The following DERL1 variants were observed in gnomAD, a reference collection of about 807,000 sequenced individuals.
DERL1 encodes derlin 1.
DERL1 carries 24 observed loss-of-function variants against 41.6 expected under a neutral mutation model. That is an observed-to-expected ratio of 0.58 (90% confidence interval 0.42 to 0.81). The LOEUF is 0.81. DERL1 is among the 30% of genes least tolerant of loss of function. DERL1 has a pLI of 0.00. For synonymous variants in DERL1, 124 were observed against 112.5 expected (o/e 1.10, Z -0.65); for missense variants, 260 against 314.3 (o/e 0.83, Z 1.31).
chr8:123,028,708 A>G (rs1350361034), intron 2 of DERL1, among the ~76,000 whole-genome samples: 3 of 152,198 alleles, frequency 2.0e-5, no homozygotes, highest in African/African-American at 4.8e-5. Context: ...ATTTTAAATA[A>G]CTGATCATAA....
Position 123,036,468 on chromosome 8 carries a change from C to T in DERL1, c.153+5502G>A, listed in dbSNP as rs191526765. ...AGTCACCCTTAGAGAGGACAGTGAC[C>T]AGAAGGAAGCAGGAGAAAGCTTTTA... On this transcript the variant is annotated intron_variant, in intron 1 of 7. Transcript: ENST00000259512. Among the ~76,000 whole-genome samples the T allele has an allele frequency of 3.9e-5, 6 of 152,220 alleles. 1 individual carries two copies. Among genetic ancestry groups the T allele is most frequent in the Admixed American group, 3.3e-4 (5 of 15,292 alleles).
At chr8:123,025,283 A>G (rs187074938) in intron 2 of DERL1, among the ~76,000 whole-genome samples, 266 of 152,332 alleles carry the variant, frequency 1.7e-3, no homozygotes, top group Admixed American at 4.7e-3. Context: ...GAATTCCAGT[A>G]AGTGACATGC....
In DERL1 at chr8:123,030,734, A is replaced by G. The variant is rs768374797; in HGVS notation, c.154-18T>C. On this transcript the variant is annotated intron_variant, in intron 1 of 7. Transcript: ENST00000259512. ...CTCCAAATCTGTCCAGATCAAAATA[A>G]ACACAGCTGTTAGTTTCTGTAAGCC... is the stretch of plus-strand genomic sequence containing the variant. The G allele has an allele frequency of 6.5e-7, 1 of 1,532,460 alleles. No homozygotes were observed. Among genetic ancestry groups the G allele is most frequent in the Non-Finnish European group, 9.0e-7 (1 of 1,110,326 alleles). 94.9% of individuals were successfully genotyped at this position (1,532,460 alleles called of 1,614,324 possible). A position where few individuals can be genotyped will look rare whatever the true frequency, so the allele number is the denominator to read the frequency against.
chr8:123,037,346 G>A (rs1812949597), intron 1 of DERL1, among the ~76,000 whole-genome samples: 1 of 152,122 alleles, frequency 6.6e-6, no homozygotes, highest in South Asian at 2.1e-4. Context: ...CAATACACTC[G>A]TTGAATGTAA....
intron 2 of DERL1, 62 bp from the exon 3 acceptor site, chr8:123,025,112 TAGAG>T: frequency 6.5e-7 from 1 of 1,534,786 alleles, no homozygotes; most frequent in Non-Finnish European, 8.9e-7. Context: ...AACATCTACA[TAGAG>T]AAACACTTCA....
In DERL1 at chr8:123,041,962, G is replaced by C. The variant is rs369309591; in HGVS notation, c.153+8C>G. ...GTAGTCTCCACGCCCCCCGTCTCCG[G>C]TAAGTACCTGAAAGCGATAAAGGAA... On this transcript the variant is annotated splice_region_variant and intron_variant, in intron 1 of 7. Coordinates refer to ENST00000259512, the MANE Select transcript of DERL1 (RefSeq NM_024295.6). The C allele has an allele frequency of 7.5e-5, 121 of 1,603,078 alleles. No individual in the cohort carries two copies. The highest frequency in any genetic ancestry group is 9.6e-5 in the Non-Finnish European group (113 of 1,172,842).
intron 1 of DERL1, among the ~76,000 whole-genome samples, chr8:123,038,194 T>G (rs1469752113): frequency 1.3e-5 from 2 of 152,292 alleles, no homozygotes; most frequent in South Asian, 4.1e-4. Context: ...CAATTCTAAA[T>G]CAATCACTCC....
intron 4 of DERL1, among the ~76,000 whole-genome samples, chr8:123,023,236 G>T (rs2385079): frequency 1.3e-5 from 2 of 152,150 alleles, no homozygotes; most frequent in African/African-American, 2.4e-5. Flanking sequence ...GATCTTCAAA[G>T]ATTTAGCTGA....
chr8:123,024,945 A>G (rs1412435125), intron 3 of DERL1, 41 bp downstream of exon 3: 4 of 1,598,702 alleles, frequency 2.5e-6, no homozygotes, highest in Non-Finnish European at 3.4e-6. Flanking sequence ...CTGGAAAAAA[A>G]CTGGTTTATT....
intron 2 of DERL1, among the ~76,000 whole-genome samples, chr8:123,029,797 C>T (rs1812781908): frequency 6.6e-6 from 1 of 152,170 alleles, no homozygotes; most frequent in African/African-American, 2.4e-5. Context: ...CGTTGACTCA[C>T]ACCTGTAATC....
intron 1 of DERL1, among the ~76,000 whole-genome samples, chr8:123,031,657 T>TTTC (rs1456014383): frequency 6.6e-6 from 1 of 152,196 alleles, no homozygotes; most frequent in African/African-American, 2.4e-5. Context: ...GTGTCTTGTA[T>TTTC]TTCCTCTAAG....
intron 1 of DERL1, among the ~76,000 whole-genome samples, chr8:123,031,920 GAT>G (rs1399541034): frequency 6.6e-6 from 1 of 152,084 alleles, no homozygotes; most frequent in Non-Finnish European, 1.5e-5. Flanking sequence ...TATTTTGGTA[GAT>G]ACTGCCAAAT....
intron 7 of DERL1, 70 bp from the exon 8 acceptor site, chr8:123,015,655 T>A: frequency 6.6e-7 from 1 of 1,504,840 alleles, no homozygotes; most frequent in Non-Finnish European, 8.9e-7. Context: ...TTATCTGACC[T>A]CCGAGAACAC....
intron 6 of DERL1, 38 bp downstream of exon 6, chr8:123,021,409 G>T: frequency 6.4e-7 from 1 of 1,571,562 alleles, no homozygotes; most frequent in Non-Finnish European, 8.8e-7. Flanking sequence ...AATTTTCCAA[G>T]GATTAGTTTC....
At chr8:123,031,881 A>G (rs1812823969) in intron 1 of DERL1, among the ~76,000 whole-genome samples, 1 of 152,152 alleles carries the variant, frequency 6.6e-6, no homozygotes, top group Non-Finnish European at 1.5e-5. Flanking sequence ...CCTGTCAATA[A>G]ATCTGCTAGA....
chr8:123,029,506 A>G (rs1272459168), intron 2 of DERL1, among the ~76,000 whole-genome samples: 1 of 152,224 alleles, frequency 6.6e-6, no homozygotes, highest in Non-Finnish European at 1.5e-5. Context: ...CCATATGAGC[A>G]CTGACTTACA....
chr8:123,035,387 C>G (rs575097001), intron 1 of DERL1, among the ~76,000 whole-genome samples: 1 of 152,304 alleles, frequency 6.6e-6, no homozygotes, highest in South Asian at 2.1e-4. Context: ...TTGTAAGTAT[C>G]CAACTAAATC....
In DERL1 at chr8:123,042,289, C is replaced by G; in HGVS notation, c.-167G>C. 1.1e-6 allele frequency: 1 copy of G among 931,802 alleles called. No homozygotes were observed. Among genetic ancestry groups the G allele is most frequent in the Non-Finnish European group, 1.5e-6 (1 of 662,072 alleles). 57.7% of individuals were successfully genotyped at this position (931,802 alleles called of 1,614,324 possible). On this transcript the variant is annotated 5_prime_UTR_variant, in exon 1 of 8. Coordinates refer to ENST00000259512, the MANE Select transcript of DERL1 (RefSeq NM_024295.6). ...CGTGGCGCCACCGAATTCGGACCAG[C>G]GAGGCAGCCTTCTGAGGCGAAACTT...
intron 4 of DERL1, among the ~76,000 whole-genome samples, chr8:123,023,491 G>T (rs1004040912): frequency 6.6e-6 from 1 of 152,022 alleles, no homozygotes; most frequent in Non-Finnish European, 1.5e-5. Flanking sequence ...GGAGGCGGAG[G>T]TTGCAGTGAG....
Sources: allele counts gnomAD v4.1 joint callset (sites outside exome capture counted in the v4.1 genomes callset), GRCh38; gene constraint gnomAD v4.1.1; transcripts MANE v1.5; gene names NCBI Gene and HGNC (gene_info 2026-07-23, HGNC 2026-07-21).